The following TRAPPC9 variants were observed in gnomAD, a reference collection of about 807,000 sequenced individuals.
TRAPPC9 encodes the protein IKK2 binding protein.
A neutral mutation model predicts 124.0 loss-of-function variants in TRAPPC9; 83 were observed. The observed-to-expected ratio is 0.67, with a 90% confidence interval of 0.56 to 0.80. The LOEUF (loss-of-function observed/expected upper bound fraction) is 0.80, where lower values mean the gene tolerates loss of function less well. Ranked by LOEUF, TRAPPC9 falls within the 30% of genes least tolerant of loss-of-function variation. The pLI, the probability that TRAPPC9 is intolerant of heterozygous loss-of-function variation, is 0.00. For synonymous variants in TRAPPC9, 638 were observed against 617.5 expected, an observed-to-expected ratio of 1.03 and a Z score of -0.49; for missense variants, 1,302 against 1,508.3, an observed-to-expected ratio of 0.86 and a Z score of 2.27.
chr8:140,410,794 G>A (rs535752020), intron 5 of TRAPPC9, among the ~76,000 whole-genome samples: 1 of 150,886 alleles, frequency 6.6e-6, no homozygotes, highest in Non-Finnish European at 1.5e-5. Flanking sequence ...AGTGAGCTGA[G>A]ACTGTACCAC....
At chr8:139,891,140 G>A (rs906266683) in intron 20 of TRAPPC9, among the ~76,000 whole-genome samples, 3 of 152,228 alleles carry the variant, frequency 2.0e-5, no homozygotes, top group Admixed American at 6.5e-5. Flanking sequence ...GCAGGGCATT[G>A]CAGGGTTTCA....
intron 20 of TRAPPC9, among the ~76,000 whole-genome samples, chr8:139,900,493 T>C (rs1172448221): frequency 6.6e-6 from 1 of 152,242 alleles, no homozygotes; most frequent in Non-Finnish European, 1.5e-5. Context: ...CCCAGCCTCC[T>C]GGGCAAGGAT....
intron 19 of TRAPPC9, among the ~76,000 whole-genome samples, chr8:139,981,832 C>T (rs931476641): frequency 6.6e-6 from 1 of 152,190 alleles, no homozygotes; most frequent in African/African-American, 2.4e-5. Context: ...CCATGATCCA[C>T]GTGGATGCTC....
At chr8:140,387,236 C>A (rs1170421717) in intron 7 of TRAPPC9, among the ~76,000 whole-genome samples, 85 of 152,076 alleles carry the variant, frequency 5.6e-4, no homozygotes, top group Admixed American at 5.2e-3. Context: ...AAGTCTTTAA[C>A]TAAACTTTAA....
chr8:140,371,309 A>G (rs919613136), intron 7 of TRAPPC9, 129 bp from the exon 8 acceptor site: 3 of 1,046,122 alleles, frequency 2.9e-6, no homozygotes, highest in Non-Finnish European at 4.3e-6. Context: ...GGAGAGGGAA[A>G]GCCTGGTGAG....
chr8:139,911,301 G>GTA, intron 19 of TRAPPC9: 1 of 152,478 alleles, frequency 6.6e-6, no homozygotes, highest in South Asian at 2.1e-4. Flanking sequence ...ACGTGGAACT[G>GTA]TAAGTCCAAT....
At chr8:139,746,395 CCCCATCT>C (rs1305773789) in intron 21 of TRAPPC9, among the ~76,000 whole-genome samples, 1 of 152,140 alleles carries the variant, frequency 6.6e-6, no homozygotes, top group African/African-American at 2.4e-5. Context: ...TCCTATAGTC[CCCCATCT>C]CCAGGCTGAG....
intron 21 of TRAPPC9, among the ~76,000 whole-genome samples, chr8:139,792,103 C>T (rs1223954215): frequency 2.6e-5 from 4 of 152,184 alleles, no homozygotes; most frequent in Admixed American, 2.0e-4. Flanking sequence ...AACATTTGCC[C>T]TGTGCTAGAC....
At chr8:140,095,991 G>A (rs1359195582) in intron 17 of TRAPPC9, 1 of 152,212 alleles carries the variant, frequency 6.6e-6, no homozygotes, top group Non-Finnish European at 1.5e-5. Context: ...CTACAAAGCA[G>A]GACCAACGGT....
At chr8:140,440,945 C>CCTTGATGTG (rs1454336912) in intron 2 of TRAPPC9, among the ~76,000 whole-genome samples, 6 of 148,336 alleles carry the variant, frequency 4.0e-5, no homozygotes, top group African/African-American at 1.2e-4. Context: ...GGTTAAGTGT[C>CCTTGATGTG]CTTGATGTGT....
At chr8:140,126,537 C>G (rs2061101601) in intron 17 of TRAPPC9, among the ~76,000 whole-genome samples, 3 of 152,278 alleles carry the variant, frequency 2.0e-5, no homozygotes, top group Admixed American at 2.0e-4. Context: ...GAGATAGGGT[C>G]CAATTTCGTC....
intron 7 of TRAPPC9, among the ~76,000 whole-genome samples, chr8:140,387,183 C>T (rs1241379474): frequency 6.6e-6 from 1 of 152,154 alleles, no homozygotes; most frequent in Non-Finnish European, 1.5e-5. Flanking sequence ...GGATTAAAGA[C>T]TTAAATGTTA....
chr8:140,244,381 C>T (rs923954899), intron 16 of TRAPPC9, among the ~76,000 whole-genome samples: 1 of 152,136 alleles, frequency 6.6e-6, no homozygotes, highest in African/African-American at 2.4e-5. Context: ...AACTGAAATG[C>T]CACAGTTAAT....
intron 21 of TRAPPC9, among the ~76,000 whole-genome samples, chr8:139,762,391 T>C (rs1387000139): frequency 6.6e-6 from 1 of 152,146 alleles, no homozygotes. Context: ...AATGCGTCAT[T>C]AGGCGATTTG....
intron 1 of TRAPPC9, among the ~76,000 whole-genome samples, chr8:140,451,644 C>T (rs547536626): frequency 6.6e-6 from 1 of 152,298 alleles, no homozygotes; most frequent in South Asian, 2.1e-4. Context: ...CTATTCTCAC[C>T]ACCTAACCAG....
intron 17 of TRAPPC9, among the ~76,000 whole-genome samples, chr8:140,173,447 G>A (rs192049682): frequency 4.6e-5 from 7 of 152,020 alleles, no homozygotes; most frequent in African/African-American, 1.2e-4. Flanking sequence ...CCAGCTACTC[G>A]GGAGGCTGAG....
chr8:140,150,603 G>A (rs2130823637), intron 17 of TRAPPC9, among the ~76,000 whole-genome samples: 1 of 152,326 alleles, frequency 6.6e-6, no homozygotes, highest in East Asian at 1.9e-4. Context: ...ATAGTAGCAG[G>A]CAGGAGCTGG....
At position 140,101,564 on chromosome 8, in the gene TRAPPC9, C is replaced by T. The variant is rs548519602; in HGVS notation, c.2557-77485G>A. ...TTGTTTTTTTTTTTTTTTTTTGAGA[C>T]GTAGTTTTGGTCTTGTCACCCAGGC... On this transcript the variant is annotated intron_variant, in intron 17 of 22. Coordinates refer to ENST00000438773, the MANE Select transcript of TRAPPC9 (RefSeq NM_001160372.4). Among the ~76,000 whole-genome samples, 267 of 59,614 alleles carry T rather than the reference C, an allele frequency of 4.5e-3. 3 individuals are homozygous for T. The highest frequency in any genetic ancestry group is 0.011 in the South Asian group (21 of 1,838). The allele number at this position is 59,614 out of a possible 152,430, so 39.1% of individuals were successfully genotyped here.
chr8:139,863,168 C>T (rs900745902), intron 21 of TRAPPC9, among the ~76,000 whole-genome samples: 4 of 152,240 alleles, frequency 2.6e-5, no homozygotes, highest in East Asian at 1.9e-4. Context: ...AGGAAGGCTA[C>T]GGACTTTGCA....
Sources: allele counts gnomAD v4.1 joint callset (sites outside exome capture counted in the v4.1 genomes callset), GRCh38; gene constraint gnomAD v4.1.1; transcripts MANE v1.5; gene names NCBI Gene and HGNC (gene_info 2026-07-23, HGNC 2026-07-21).